The following CMTM4 variants were observed in gnomAD, a reference collection of about 807,000 sequenced individuals.
The protein encoded by CMTM4 is CKLF-like MARVEL transmembrane domain-containing protein 4.
Under a neutral mutation model 19.0 loss-of-function variants are expected in CMTM4, and 8 were observed. That is an observed-to-expected ratio of 0.42 (90% CI 0.25 to 0.76). The LOEUF (loss-of-function observed/expected upper bound fraction) is 0.76. CMTM4 is among the 30% of genes least tolerant of loss of function. The probability of loss-of-function intolerance (pLI) is 0.27; values close to 1 mark genes in which losing one functional copy is unlikely to be tolerated. For missense variants in CMTM4, 228 were observed against 290.2 expected (o/e 0.79, Z 1.56); for synonymous variants, 106 against 121.1 (o/e 0.88, Z 0.82).
intron 1 of CMTM4, among the ~76,000 whole-genome samples, chr16:66,663,544 T>C (rs952005092): frequency 1.5e-5 from 2 of 129,726 alleles, no homozygotes; most frequent in African/African-American, 6.1e-5. Context: ...TTTTTTTTTT[T>C]TTTTTTTTTT....
chr16:66,632,248 C>T (rs892719760), intron 2 of CMTM4, among the ~76,000 whole-genome samples: 1 of 152,174 alleles, frequency 6.6e-6, no homozygotes, highest in South Asian at 2.1e-4. Context: ...CCAAGAGCAA[C>T]CAGAGGATCT....
chr16:66,671,802 T>C (rs1351200670), intron 1 of CMTM4, among the ~76,000 whole-genome samples: 1 of 152,026 alleles, frequency 6.6e-6, no homozygotes, highest in Admixed American at 6.6e-5. Flanking sequence ...GTAATGAATA[T>C]TTCAAATATA....
intron 1 of CMTM4, among the ~76,000 whole-genome samples, chr16:66,639,116 C>T (rs1423227167): frequency 1.3e-5 from 2 of 152,154 alleles, no homozygotes; most frequent in African/African-American, 2.4e-5. Context: ...TCTTATAATT[C>T]TCTACTGCAC....
chr16:66,646,703 A>G (rs2016208298), intron 1 of CMTM4, among the ~76,000 whole-genome samples: 1 of 151,172 alleles, frequency 6.6e-6, no homozygotes, highest in African/African-American at 2.4e-5. Flanking sequence ...GAAACCATTC[A>G]TGAATTTTTT....
chr16:66,627,633 C>G (rs1411350190), intron 2 of CMTM4, among the ~76,000 whole-genome samples: 1 of 152,228 alleles, frequency 6.6e-6, no homozygotes. Flanking sequence ...CTATTCTGGA[C>G]ATTTTTTTTT....
downstream of CMTM4, chr16:66,612,777 C>G (rs369009147): frequency 4.4e-3 from 3,540 of 808,526 alleles, 138 homozygotes; most frequent in South Asian, 0.058. This position sits in a 1 kb window ranked among gnomAD's most constrained non-coding sequence, Gnocchi z 6.0. Context: ...CCTACAGCCT[C>G]AGGTTCTGCC....
intron 1 of CMTM4, among the ~76,000 whole-genome samples, chr16:66,667,168 T>C (rs975134814): frequency 8.6e-5 from 13 of 151,756 alleles, no homozygotes; most frequent in Admixed American, 3.3e-4. Context: ...CTGCTAAAAA[T>C]ACAAAAATTT....
chr16:66,605,879 G>A, the CMTM4 span, among the ~76,000 whole-genome samples: 5 of 152,060 alleles, frequency 3.3e-5, no homozygotes, highest in Non-Finnish European at 5.9e-5. The surrounding 1 kb of genome is among the most constrained non-coding windows in gnomAD (Gnocchi z 4.6). Context: ...CCTCTCCCAC[G>A]GTCAGCCCAG....
downstream of CMTM4, chr16:66,610,038 C>A (rs753171459): frequency 6.2e-7 from 1 of 1,609,218 alleles, no homozygotes; most frequent in Non-Finnish European, 8.5e-7. The surrounding 1 kb of genome is among the most constrained non-coding windows in gnomAD (Gnocchi z 4.6). Context: ...AGCAGTGCTG[C>A]AACAGGGGCC....
downstream of CMTM4, chr16:66,614,733 G>A (rs1438481825): frequency 6.6e-6 from 1 of 152,242 alleles, no homozygotes; most frequent in Admixed American, 6.5e-5. This position sits in a 1 kb window ranked among gnomAD's most constrained non-coding sequence, Gnocchi z 4.9. Context: ...CACTCAGAGT[G>A]AGGAGAGACA....
At chr16:66,609,677 A>C in the CMTM4 span, 1 of 1,538,272 alleles carries the variant, frequency 6.5e-7, no homozygotes, top group South Asian at 1.2e-5. This position sits in a 1 kb window ranked among gnomAD's most constrained non-coding sequence, Gnocchi z 4.4. Flanking sequence ...CCTCTCATTA[A>C]AGACTGACTC....
intron 2 of CMTM4, among the ~76,000 whole-genome samples, chr16:66,626,318 C>A (rs2144789032): frequency 6.6e-6 from 1 of 152,148 alleles, no homozygotes; most frequent in East Asian, 1.9e-4. Flanking sequence ...AAAAAATTAG[C>A]TGTGGCCAGG....
chr16:66,604,498 G>T, the CMTM4 span: 1 of 241,260 alleles, frequency 4.1e-6, no homozygotes, highest in African/African-American at 2.3e-5. Flanking sequence ...AGCTCCGAAG[G>T]GGTGCCGGGG....
rs1158891213 is a variant in CMTM4, at chr16:66,618,280, A to G, written c.*3778T>C. 2 of 985,328 alleles carry G rather than the reference A, an allele frequency of 2.0e-6. No individual in the cohort carries two copies. The highest frequency in any genetic ancestry group is 1.7e-5 in the African/African-American group (1 of 57,248). 61.0% of individuals were successfully genotyped at this position (985,328 alleles called of 1,614,324 possible). A position where few individuals can be genotyped will look rare whatever the true frequency, so the allele number is the denominator to read the frequency against. The stretch of plus-strand genomic sequence containing the variant: ...TTTCTGATACCTGTTTAACGTCATT[A>G]TTACTCTGTAAACAAGATCTGGAGA... On this transcript the variant is annotated 3_prime_UTR_variant, in exon 4 of 4. Coordinates refer to ENST00000394106, the MANE Select transcript of CMTM4 (RefSeq NM_181521.3).
downstream of CMTM4, chr16:66,612,640 G>A: frequency 1.2e-6 from 2 of 1,613,972 alleles, no homozygotes; most frequent in South Asian, 1.1e-5. This position sits in a 1 kb window ranked among gnomAD's most constrained non-coding sequence, Gnocchi z 6.0. Context: ...CTGACTGAAG[G>A]CCTGGCGGGT....
intron 2 of CMTM4, among the ~76,000 whole-genome samples, chr16:66,632,899 A>T (rs897252814): frequency 1.3e-5 from 2 of 151,656 alleles, no homozygotes; most frequent in Non-Finnish European, 2.9e-5. Flanking sequence ...TCTGACCAAC[A>T]TGGAGAAACC....
At chr16:66,673,966 C>T (rs573537748) in intron 1 of CMTM4, among the ~76,000 whole-genome samples, 2 of 152,216 alleles carry the variant, frequency 1.3e-5, no homozygotes, top group Admixed American at 6.5e-5. Flanking sequence ...CAGTTTTTGC[C>T]CCCAAGTTCT....
chr16:66,658,819 G>A (rs1341158399), intron 1 of CMTM4, among the ~76,000 whole-genome samples: 1 of 152,106 alleles, frequency 6.6e-6, no homozygotes, highest in Non-Finnish European at 1.5e-5. Flanking sequence ...CAGGGAGGAA[G>A]AATGGCTGAT....
At chr16:66,607,022 G>A in the CMTM4 span, among the ~76,000 whole-genome samples, 36 of 152,180 alleles carry the variant, frequency 2.4e-4, no homozygotes, top group African/African-American at 8.7e-4. Context: ...ACTCTATCTG[G>A]GGGGTCAGCC....
Sources: gnomAD v4.1 joint callset for allele counts (sites outside exome capture counted in the v4.1 genomes callset) on GRCh38, gnomAD v4.1.1 for gene constraint, Gnocchi (gnomAD v3.1) non-coding constraint, MANE v1.5 for transcripts, NCBI Gene and HGNC (gene_info 2026-07-23, HGNC 2026-07-21) for gene names.